The following CNOT4 variants were observed in gnomAD, a reference collection of about 807,000 sequenced individuals.
CNOT4 encodes CCR4-NOT transcription complex subunit 4.
In CNOT4, 8 loss-of-function variants were observed where a neutral mutation model predicts 73.8. That is an observed-to-expected ratio of 0.11 (90% confidence interval 0.06 to 0.20). The LOEUF is 0.20. Among genes scored for constraint, CNOT4 ranks in the 10% least tolerant of loss-of-function variants. The pLI, the probability that CNOT4 is intolerant of heterozygous loss-of-function variation, is 1.00. For missense variants in CNOT4, 564 were observed against 883.4 expected, an observed-to-expected ratio of 0.64 and a Z score of 4.58; for synonymous variants, 293 against 321.1, an observed-to-expected ratio of 0.91 and a Z score of 0.94.
At chr7:135,442,380 T>G (rs1202365713) in intron 1 of CNOT4, among the ~76,000 whole-genome samples, 1 of 152,146 alleles carries the variant, frequency 6.6e-6, no homozygotes, top group Non-Finnish European at 1.5e-5. Context: ...GCGGATCACC[T>G]GAGGTCAGGA....
In CNOT4 at chr7:135,394,247, G is replaced by C; in HGVS notation, c.1298C>G (p.Pro433Arg). 3.7e-6 allele frequency: 6 copies of C among 1,614,140 alleles called. No individual in the cohort carries two copies. Among genetic ancestry groups the C allele is most frequent in the Non-Finnish European group, 5.1e-6 (6 of 1,180,012 alleles). The change falls in exon 10 of 12, where the codon CCC becomes CGC. Residue 433 changes from proline (P) to arginine (R), a missense_variant. Transcript: ENST00000541284. ...TGAAGAGGAGTTCTGAAGAGATGTG[G>C]GCGAAAGGGAAGGTTGGTCTTGAAC... Reference protein sequence around the residue: ...LSVQDQPSLSPTSLQNSSSHT... With the variant: ...LSVQDQPSLSRTSLQNSSSHT...
At chr7:135,482,591 G>C (rs1802452526) in intron 1 of CNOT4, among the ~76,000 whole-genome samples, 1 of 151,180 alleles carries the variant, frequency 6.6e-6, no homozygotes, top group African/African-American at 2.4e-5. Flanking sequence ...CAGAGAGCCA[G>C]GTATCAAAAC....
chr7:135,449,828 GTTTT>G (rs35975371), intron 1 of CNOT4, among the ~76,000 whole-genome samples: 1 of 146,498 alleles, frequency 6.8e-6, no homozygotes, highest in Non-Finnish European at 1.5e-5. Flanking sequence ...AATATTGTGG[GTTTT>G]TTTTTTTTTA....
chr7:135,391,400 C>T (rs1796393998), intron 10 of CNOT4, among the ~76,000 whole-genome samples: 2 of 151,856 alleles, frequency 1.3e-5, no homozygotes, highest in Non-Finnish European at 2.9e-5. Context: ...TAAGCTTAAC[C>T]ATAAGTCACC....
At chr7:135,407,718 G>A (rs926377071) in intron 7 of CNOT4, among the ~76,000 whole-genome samples, 1 of 152,168 alleles carries the variant, frequency 6.6e-6, no homozygotes, top group Non-Finnish European at 1.5e-5. Context: ...AGAGGCAGGG[G>A]TCTTGCTTTG....
Position 135,410,520 on chromosome 7 carries a change from G to T in CNOT4, c.816C>A (p.Tyr272Ter). 1 of 1,512,676 alleles carries T rather than the reference G, an allele frequency of 6.6e-7. No individual in the cohort carries two copies. Among genetic ancestry groups the T allele is most frequent in the Non-Finnish European group, 8.9e-7 (1 of 1,121,304 alleles). 93.7% of individuals were successfully genotyped at this position (1,512,676 alleles called of 1,614,324 possible). ...CTATCAATATCAATACTTACGTATC[G>T]TACCTCTGCAGTGGTGTCACTTTGT... ...NKNKVTPLQRYDTPIDKPSDS... is the reference protein window; with the variant it reads ...NKNKVTPLQR The change falls in exon 7 of 12, where the codon TAC (tyrosine) becomes TAA (stop). Residue 272 changes from tyrosine to a stop codon, truncating the protein, a stop_gained. Coordinates refer to ENST00000541284, the MANE Select transcript of CNOT4 (RefSeq NM_001190850.2). LOFTEE classifies it high-confidence loss of function.
At chr7:135,372,851 A>G (rs950692784) in intron 10 of CNOT4, among the ~76,000 whole-genome samples, 2 of 152,278 alleles carry the variant, frequency 1.3e-5, no homozygotes, top group East Asian at 3.9e-4. Context: ...CACCGCACCC[A>G]GCCTGCTTCC....
chr7:135,390,302 G>T (rs1796333751), intron 10 of CNOT4, among the ~76,000 whole-genome samples: 1 of 152,092 alleles, frequency 6.6e-6, no homozygotes, highest in African/African-American at 2.4e-5. Flanking sequence ...ACTACTAATT[G>T]AATATGTGAC....
chr7:135,387,558 T>C (rs1037437416), intron 10 of CNOT4: 332 of 975,312 alleles, frequency 3.4e-4, no homozygotes, highest in Non-Finnish European at 3.8e-4. Context: ...TTCATACTTT[T>C]TTTTTTAACA....
At chr7:135,389,628 C>T (rs140814367) in intron 10 of CNOT4, among the ~76,000 whole-genome samples, 2,363 of 151,218 alleles carry the variant, frequency 0.016, 28 homozygotes, top group Non-Finnish European at 0.023. Context: ...CATATAGAAA[C>T]AAAGAAAATT....
chr7:135,444,372 C>G, intron 1 of CNOT4: 1 of 685,078 alleles, frequency 1.5e-6, no homozygotes, highest in East Asian at 2.7e-5. Context: ...ATCCAAGTGT[C>G]CATCAATGGA....
Position 135,394,148 on chromosome 7 carries a change from T to A in CNOT4, c.1397A>T (p.Asn466Ile). The A allele has an allele frequency of 6.2e-7, 1 of 1,614,152 alleles. No homozygotes were observed. Among genetic ancestry groups the A allele is most frequent in the Non-Finnish European group, 8.5e-7 (1 of 1,180,016 alleles). ...PAAATNANSL[N>I]STFSVLPQRF... ...CTGGGGCAAGACTGAAAAGGTACTA[T>A]TGAGAGAATTGGCATTTGTAGCTGC... The change falls in exon 10 of 12, where the codon AAT becomes ATT. Residue 466 changes from asparagine (N) to isoleucine (I), a missense_variant. This residue lies in a region of CNOT4 where 153 missense variants were observed against 158.7 expected (regional missense o/e 0.96). Transcript: ENST00000541284.
At chr7:135,490,776 C>G (rs921403142) in intron 1 of CNOT4, among the ~76,000 whole-genome samples, 3 of 152,188 alleles carry the variant, frequency 2.0e-5, no homozygotes, top group Non-Finnish European at 4.4e-5. Context: ...AGTACAAAAT[C>G]TCTTGCCATA....
At chr7:135,434,254 CA>C (rs1473996576) in intron 2 of CNOT4, among the ~76,000 whole-genome samples, 6 of 152,122 alleles carry the variant, frequency 3.9e-5, no homozygotes, top group African/African-American at 1.4e-4. Flanking sequence ...CTCCAGAGAC[CA>C]AAGACTTGCT....
At chr7:135,422,538 AT>A (rs1219286836) in intron 2 of CNOT4, among the ~76,000 whole-genome samples, 185 bp from the exon 3 acceptor site, 1 of 152,178 alleles carries the variant, frequency 6.6e-6, no homozygotes, top group Non-Finnish European at 1.5e-5. Context: ...AATAGTTCTA[AT>A]AAAAAATTTT....
intron 7 of CNOT4, among the ~76,000 whole-genome samples, chr7:135,400,034 T>G (rs1482203015): frequency 6.6e-6 from 1 of 151,828 alleles, no homozygotes; most frequent in African/African-American, 2.4e-5. Flanking sequence ...CTACTACAAG[T>G]GGGGCAATTA....
At chr7:135,380,474 T>C (rs1795784438) in intron 10 of CNOT4, among the ~76,000 whole-genome samples, 1 of 152,242 alleles carries the variant, frequency 6.6e-6, no homozygotes, top group Admixed American at 6.5e-5. Flanking sequence ...CTGCTAAAGT[T>C]ACTCCAAGAT....
chr7:135,462,730 TTAAAA>T (rs1315164406), intron 1 of CNOT4, among the ~76,000 whole-genome samples: 2 of 152,234 alleles, frequency 1.3e-5, no homozygotes. Flanking sequence ...TCTTGGATTC[TTAAAA>T]TAACGAGTTT....
intron 1 of CNOT4, among the ~76,000 whole-genome samples, chr7:135,487,159 TA>T (rs1281289662): frequency 6.6e-6 from 1 of 151,764 alleles, no homozygotes; most frequent in Admixed American, 6.6e-5. Flanking sequence ...TACAACCATT[TA>T]AAAAAAAGTT....
Sources: allele counts gnomAD v4.1 joint callset (sites outside exome capture counted in the v4.1 genomes callset), GRCh38; gene constraint gnomAD v4.1.1; regional missense constraint gnomAD v4.1.1; transcripts MANE v1.5; gene names NCBI Gene and HGNC (gene_info 2026-07-23, HGNC 2026-07-21).